The following DISC1 variants were observed in gnomAD, a reference collection of about 807,000 sequenced individuals.
DISC1 encodes the protein disrupted in schizophrenia 1 protein.
A neutral mutation model predicts 84.5 loss-of-function variants in DISC1; 57 were observed. The ratio of observed to expected loss-of-function variants is 0.67; its 90% CI spans 0.55 to 0.84. DISC1 has a LOEUF of 0.84. DISC1 is among the 40% of genes least tolerant of loss of function. The pLI is 0.00. For synonymous variants in DISC1, 411 were observed against 415.2 expected, an observed-to-expected ratio of 0.99 and a Z score of 0.12; for missense variants, 1,000 against 1,057.8, an observed-to-expected ratio of 0.95 and a Z score of 0.76.
intron 9 of DISC1, among the ~76,000 whole-genome samples, chr1:231,862,604 T>G (rs2084752114): frequency 6.6e-6 from 1 of 152,202 alleles, no homozygotes. Flanking sequence ...GTTAATGTTA[T>G]AGAATCAGAA....
chr1:231,999,848 A>G (rs182604720), intron 10 of DISC1, among the ~76,000 whole-genome samples: 123 of 150,402 alleles, frequency 8.2e-4, no homozygotes, highest in Middle Eastern at 3.4e-3. Context: ...AACAACAACA[A>G]AACAACCAAC....
At chr1:231,879,488 A>G (rs1446288329) in intron 9 of DISC1, among the ~76,000 whole-genome samples, 1 of 151,912 alleles carries the variant, frequency 6.6e-6, no homozygotes, top group East Asian at 1.9e-4. Context: ...TGTGCTTTTC[A>G]AAGACCATAT....
chr1:232,004,848 T>G (rs1459171856), intron 10 of DISC1, among the ~76,000 whole-genome samples: 1 of 105,440 alleles, frequency 9.5e-6, no homozygotes. Flanking sequence ...TCGCTCCATC[T>G]CTCCCTCCCT....
intron 9 of DISC1, chr1:231,855,350 C>T (rs1275062770): frequency 2.0e-6 from 2 of 975,836 alleles, no homozygotes; most frequent in East Asian, 2.3e-4. Context: ...TTAAACAGTA[C>T]ATTAAAAAGA....
At chr1:231,818,610 C>T in intron 9 of DISC1, 93 bp downstream of exon 9, 3 of 1,564,780 alleles carry the variant, frequency 1.9e-6, no homozygotes, top group East Asian at 2.3e-5. Context: ...ATGTGAACGT[C>T]ACTGTGAAGA....
At chr1:231,712,166 C>T (rs781737936) in intron 3 of DISC1, among the ~76,000 whole-genome samples, 4 of 152,116 alleles carry the variant, frequency 2.6e-5, no homozygotes, top group Non-Finnish European at 4.4e-5. Flanking sequence ...GGATTTTCCC[C>T]AAGAATGTTG....
chr1:232,015,866 C>T (rs1668450422), intron 11 of DISC1, among the ~76,000 whole-genome samples: 1 of 152,174 alleles, frequency 6.6e-6, no homozygotes, highest in South Asian at 2.1e-4. Flanking sequence ...CACCCGGCCC[C>T]CAGGTATTTC....
At chr1:231,756,883 C>A (rs1011310131) in intron 4 of DISC1, among the ~76,000 whole-genome samples, 1 of 152,144 alleles carries the variant, frequency 6.6e-6, no homozygotes, top group African/African-American at 2.4e-5. Context: ...TTTTCTAATG[C>A]ATATTAACAC....
At chr1:231,629,097 G>A (rs1012031111) in intron 1 of DISC1, among the ~76,000 whole-genome samples, 8 of 152,192 alleles carry the variant, frequency 5.3e-5, no homozygotes, top group Admixed American at 2.6e-4. Context: ...TGGCAAAAGA[G>A]GCTTTGGCAT....
chr1:231,902,853 C>G (rs961348942), intron 9 of DISC1, among the ~76,000 whole-genome samples: 1 of 152,128 alleles, frequency 6.6e-6, no homozygotes, highest in African/African-American at 2.4e-5. Flanking sequence ...ACATGATGCT[C>G]AAATAAAGTG....
intron 9 of DISC1, among the ~76,000 whole-genome samples, chr1:231,889,380 C>T (rs534055131): frequency 2.6e-5 from 4 of 152,020 alleles, no homozygotes; most frequent in Admixed American, 6.6e-5. Context: ...AGAGGAAGAT[C>T]GAGTGATAGG....
In DISC1 at chr1:232,009,747, G is replaced by A; in HGVS notation, c.2307+698G>A. On this transcript the variant is annotated intron_variant, in intron 11 of 12. Transcript: ENST00000439617. This position sits in a 1 kb window ranked among gnomAD's most constrained non-coding sequence, Gnocchi z 4.6. ...CTAACAAGAGTCTTTTCCATAAAAA[G>A]GCCCTAGGAAGTTTTTCCTGATTTC... 2.4e-6 allele frequency: 1 copy of A among 420,152 alleles called. No individual in the cohort carries two copies. The highest frequency in any genetic ancestry group is 3.2e-6 in the Non-Finnish European group (1 of 313,998). The allele number at this position is 420,152 out of a possible 1,614,324, so 26.0% of individuals were successfully genotyped here. A position where few individuals can be genotyped will look rare whatever the true frequency, so the allele number is the denominator to read the frequency against.
At chr1:231,824,722 C>T (rs1380451968) in intron 9 of DISC1, among the ~76,000 whole-genome samples, 1 of 152,166 alleles carries the variant, frequency 6.6e-6, no homozygotes, top group African/African-American at 2.4e-5. Flanking sequence ...CTCAGTCCTG[C>T]CCTTCCCTAA....
intron 6 of DISC1, among the ~76,000 whole-genome samples, chr1:231,788,064 C>G (rs1201598856): frequency 6.6e-6 from 1 of 152,194 alleles, no homozygotes; most frequent in Non-Finnish European, 1.5e-5. Flanking sequence ...GGGTGGATCA[C>G]TTGAGGTCAG....
At chr1:231,834,007 T>C (rs922353254) in intron 9 of DISC1, among the ~76,000 whole-genome samples, 2 of 152,216 alleles carry the variant, frequency 1.3e-5, no homozygotes, top group Non-Finnish European at 2.9e-5. Context: ...GTCTCAGGGT[T>C]GCTGCCAAAC....
In DISC1 at chr1:231,888,738, C is replaced by CAA. The variant is rs34003319; in HGVS notation, c.1982-70068_1982-70067dup. ...GGGCGACAGAGTGAGGCTCTGTCTC[C>CAA]AAAAAAAAAAAAAAAAAAAAAAAGA... is the stretch of plus-strand genomic sequence containing the variant. On this transcript the variant is annotated intron_variant, in intron 9 of 12. Coordinates refer to ENST00000439617, the MANE Select transcript of DISC1 (RefSeq NM_018662.3). Among the ~76,000 whole-genome samples the CAA allele has an allele frequency of 4.0e-3, 215 of 54,016 alleles. 1 individual carries two copies. Among genetic ancestry groups the CAA allele is most frequent in the African/African-American group, 0.015 (185 of 12,144 alleles). The allele number at this position is 54,016 out of a possible 152,430, so 35.4% of individuals were successfully genotyped here. A position where few individuals can be genotyped will look rare whatever the true frequency, so the allele number is the denominator to read the frequency against.
chr1:231,805,842 G>T (rs575963668), intron 8 of DISC1, among the ~76,000 whole-genome samples: 46 of 152,308 alleles, frequency 3.0e-4, no homozygotes, highest in Middle Eastern at 3.4e-3. Context: ...GCATACTGAC[G>T]TAGAGGAAGA....
chr1:231,905,864 T>C (rs911893146), intron 9 of DISC1, among the ~76,000 whole-genome samples: 2 of 152,024 alleles, frequency 1.3e-5, no homozygotes, highest in Admixed American at 1.3e-4. Context: ...GAAAATACCC[T>C]CGTTTTTAGG....
intron 1 of DISC1, among the ~76,000 whole-genome samples, chr1:231,629,220 C>T (rs774005190): frequency 3.9e-5 from 6 of 152,212 alleles, no homozygotes; most frequent in Non-Finnish European, 5.9e-5. Flanking sequence ...GAACAGGTTG[C>T]AAGATCTCAT....
Sources: allele counts gnomAD v4.1 joint callset (sites outside exome capture counted in the v4.1 genomes callset), GRCh38; gene constraint gnomAD v4.1.1; non-coding constraint Gnocchi (gnomAD v3.1); transcripts MANE v1.5; gene names NCBI Gene and HGNC (gene_info 2026-07-23, HGNC 2026-07-21).